USP15: variants seen among roughly 807,000 people sequenced by gnomAD.
USP15 encodes the protein ubiquitin carboxyl-terminal hydrolase 15.
In USP15, 18 loss-of-function variants were observed where a neutral mutation model predicts 127.1. That is an observed-to-expected ratio of 0.14 (90% CI 0.10 to 0.21). The LOEUF is 0.21. Among genes scored for constraint, USP15 ranks in the 10% least tolerant of loss-of-function variants. The pLI, the probability that USP15 is intolerant of heterozygous loss-of-function variation, is 1.00. For missense variants in USP15, 805 were observed against 1,159.9 expected (o/e 0.69, Z 4.44); for synonymous variants, 364 against 393.7 (o/e 0.92, Z 0.89).
At chr12:62,335,127 G>A (rs1009339601) in intron 6 of USP15, 2 of 1,530,394 alleles carry the variant, frequency 1.3e-6, no homozygotes, top group Non-Finnish European at 1.8e-6. Context: ...TCTAGTTAAT[G>A]TATGATATTC....
At chr12:62,373,133 A>G (rs1347838660) in intron 8 of USP15, among the ~76,000 whole-genome samples, 1 of 152,048 alleles carries the variant, frequency 6.6e-6, no homozygotes, top group Non-Finnish European at 1.5e-5. Flanking sequence ...TGAATCCTCT[A>G]TCCATATTTT....
At chr12:62,381,395 T>G in intron 8 of USP15, 95 bp from the exon 9 acceptor site, 1 of 1,100,410 alleles carries the variant, frequency 9.1e-7, no homozygotes, top group Non-Finnish European at 1.3e-6. Flanking sequence ...CTCTGTGTTA[T>G]AGCAAATCAA....
At chr12:62,371,626 T>C (rs2066672042) in intron 8 of USP15, among the ~76,000 whole-genome samples, 2 of 152,212 alleles carry the variant, frequency 1.3e-5, no homozygotes, top group African/African-American at 4.8e-5. Context: ...ATTTTTATTA[T>C]ATCTTACACA....
At chr12:62,383,737 A>G in intron 9 of USP15, 103 bp from the exon 10 acceptor site, 1 of 1,303,426 alleles carries the variant, frequency 7.7e-7, no homozygotes, top group Non-Finnish European at 1.0e-6. Flanking sequence ...AAGCAGGCAA[A>G]TTCACAAATG....
intron 6 of USP15, among the ~76,000 whole-genome samples, chr12:62,341,171 G>C (rs61921860): frequency 6.6e-6 from 1 of 150,640 alleles, no homozygotes; most frequent in Non-Finnish European, 1.5e-5. Flanking sequence ...TTTTATGTCT[G>C]TTTTATCAGA....
chr12:62,324,422 T>C (rs1182265073), intron 5 of USP15, among the ~76,000 whole-genome samples: 2 of 152,052 alleles, frequency 1.3e-5, no homozygotes, highest in Non-Finnish European at 2.9e-5. Context: ...AAAGTTTATA[T>C]GTATATTTAT....
intron 4 of USP15, among the ~76,000 whole-genome samples, chr12:62,318,687 A>G (rs59103242): frequency 0.021 from 3,178 of 152,184 alleles, 105 homozygotes; most frequent in African/African-American, 0.073. Flanking sequence ...ACTATCCCAT[A>G]TCTTCATTTG....
In USP15 at chr12:62,375,597, A is replaced by T. The variant is rs190979662; in HGVS notation, c.916-5893A>T. ...AGGAATATTCGTTCTTCCTTGATAC[A>T]CAGAGGAAGATACGACATTTAGAAG... is the stretch of plus-strand genomic sequence containing the variant. On this transcript the variant is annotated intron_variant, in intron 8 of 21. Coordinates refer to ENST00000280377, the MANE Select transcript of USP15 (RefSeq NM_001252078.2). Among the ~76,000 whole-genome samples, 15 of 152,298 alleles carry T rather than the reference A, an allele frequency of 9.8e-5. No individual in the cohort carries two copies. The East Asian group carries it at 1.7e-3, about 18-fold the overall frequency.
intron 5 of USP15, among the ~76,000 whole-genome samples, chr12:62,324,551 CTA>C (rs2065075893): frequency 6.6e-6 from 1 of 151,824 alleles, no homozygotes; most frequent in African/African-American, 2.4e-5. Flanking sequence ...ATTTATAAAA[CTA>C]TATCAGAATG....
In USP15 at chr12:62,406,216, A is replaced by G. The variant is rs2137690209; in HGVS notation, c.*1841A>G. 1 of 152,254 alleles carries G rather than the reference A, an allele frequency of 6.6e-6. No homozygotes were observed. The highest frequency in any genetic ancestry group is 2.1e-4 in the South Asian group (1 of 4,828). 9.4% of individuals were successfully genotyped at this position (152,254 alleles called of 1,614,324 possible). ...TAGACTTTTTAGTTATAAATAGTTA[A>G]TACTAGAAAGGAAATTATGTCAGAG... On this transcript the variant is annotated 3_prime_UTR_variant, in exon 22 of 22. Coordinates refer to ENST00000280377, the MANE Select transcript of USP15 (RefSeq NM_001252078.2).
chr12:62,389,379 T>A (rs2067252198), intron 11 of USP15, 52 bp from the exon 12 acceptor site: 2 of 1,497,088 alleles, frequency 1.3e-6, no homozygotes, highest in Non-Finnish European at 1.8e-6. Flanking sequence ...TCTCATTTAC[T>A]GAATTTTTTT....
intron 3 of USP15, among the ~76,000 whole-genome samples, chr12:62,312,552 C>A (rs17659736): frequency 0.085 from 12,889 of 151,484 alleles, 633 homozygotes; most frequent in Middle Eastern, 0.16. Context: ...ATAAGTCTTC[C>A]ATTTTGGACA....
At position 62,384,014 on chromosome 12, in the gene USP15, C is replaced by G. The variant is rs1565903438; in HGVS notation, c.1248+16C>G. ...GCCAGATAAGGTAAATTTCATGATC[C>G]TATTGTCACCATTGTTATAATTTTG... On this transcript the variant is annotated intron_variant, in intron 10 of 21. Transcript: ENST00000280377. 6.2e-7 allele frequency: 1 copy of G among 1,610,842 alleles called. No homozygotes were observed. Among genetic ancestry groups the G allele is most frequent in the Non-Finnish European group, 8.5e-7 (1 of 1,178,372 alleles).
intron 8 of USP15, among the ~76,000 whole-genome samples, chr12:62,374,880 A>G (rs2066776159): frequency 6.6e-6 from 1 of 152,146 alleles, no homozygotes; most frequent in Non-Finnish European, 1.5e-5. Flanking sequence ...AAGTAATTAC[A>G]TAACAAAAGA....
At chr12:62,299,467 T>A (rs1211971342) in intron 2 of USP15, among the ~76,000 whole-genome samples, 1 of 152,236 alleles carries the variant, frequency 6.6e-6, no homozygotes, top group Admixed American at 6.5e-5. Flanking sequence ...AATGTTTTCA[T>A]GTTTTATCCA....
At chr12:62,317,857 C>T (rs2064875599) in intron 4 of USP15, among the ~76,000 whole-genome samples, 1 of 151,938 alleles carries the variant, frequency 6.6e-6, no homozygotes, top group South Asian at 2.1e-4. Flanking sequence ...ATGTTTTCTG[C>T]CAAAATTGAT....
intron 1 of USP15, among the ~76,000 whole-genome samples, chr12:62,263,256 G>A (rs1034626328): frequency 6.6e-6 from 1 of 152,106 alleles, no homozygotes; most frequent in African/African-American, 2.4e-5. Context: ...GCATATGTAT[G>A]TAACTGTCTA....
At chr12:62,401,077 A>T (rs1347327680) in intron 20 of USP15, 110 bp from the exon 21 acceptor site, 2 of 564,578 alleles carry the variant, frequency 3.5e-6, no homozygotes. Context: ...AGCCTCATAG[A>T]TGATTATCAG....
At chr12:62,384,951 C>T (rs1432202855) in intron 11 of USP15, among the ~76,000 whole-genome samples, 1 of 151,786 alleles carries the variant, frequency 6.6e-6, no homozygotes, top group Non-Finnish European at 1.5e-5. Context: ...TATCTTTTCT[C>T]CCTTATTTAT....
Sources: gnomAD v4.1 joint callset for allele counts (sites outside exome capture counted in the v4.1 genomes callset) on GRCh38, gnomAD v4.1.1 for gene constraint, MANE v1.5 for transcripts, NCBI Gene and HGNC (gene_info 2026-07-23, HGNC 2026-07-21) for gene names.